CORO7: variants seen among roughly 807,000 people sequenced by gnomAD.
CORO7 encodes coronin 7, also known as coronin-7.
A neutral mutation model predicts 126.6 loss-of-function variants in CORO7; 107 were observed. That is an observed-to-expected ratio of 0.85 (90% confidence interval 0.72 to 0.99). CORO7 has a LOEUF of 0.99. CORO7 is among the 50% of genes least tolerant of loss of function. The pLI is 0.00. For synonymous variants in CORO7, 603 were observed against 536.8 expected (o/e 1.12, Z -1.70); for missense variants, 1,314 against 1,255.8 (o/e 1.05, Z -0.70).
intron 6 of CORO7, among the ~76,000 whole-genome samples, chr16:4,401,326 A>G (rs570977830): frequency 6.6e-6 from 1 of 152,346 alleles, no homozygotes; most frequent in South Asian, 2.1e-4. Flanking sequence ...GGCCGTGGGC[A>G]CACGCATGGC....
intron 9 of CORO7, 60 bp from the exon 10 acceptor site, chr16:4,365,605 C>T (rs2054324864): frequency 7.1e-6 from 11 of 1,548,782 alleles, no homozygotes; most frequent in Non-Finnish European, 9.6e-6. Flanking sequence ...AGACTCGTAA[C>T]CCCATGTAGG....
At chr16:4,372,021 CG>C (rs1172622135) in intron 9 of CORO7, 1 of 151,986 alleles carries the variant, frequency 6.6e-6, no homozygotes, top group Non-Finnish European at 1.5e-5. Context: ...TGGGGGGCTG[CG>C]GGCGGGGAAG....
At chr16:4,364,529 G>T in intron 13 of CORO7, 68 bp downstream of exon 13, 1 of 1,513,258 alleles carries the variant, frequency 6.6e-7, no homozygotes, top group South Asian at 1.3e-5. Context: ...GACTGAGTTG[G>T]CACACAGCCA....
At chr16:4,380,848 C>T (rs1204007370) in intron 9 of CORO7, 1 of 1,458,312 alleles carries the variant, frequency 6.9e-7, no homozygotes, top group Non-Finnish European at 9.0e-7. Context: ...TCTTCTGTCT[C>T]TGCCTCCTCT....
intron 7 of CORO7, among the ~76,000 whole-genome samples, chr16:4,389,130 C>T (rs1530088): frequency 0.74 from 112,262 of 152,138 alleles, 41,546 homozygotes; most frequent in East Asian, 0.78. Flanking sequence ...ACCGTGTAAA[C>T]TGGGGGATTT....
chr16:4,365,596 G>A (rs1452100075), intron 9 of CORO7, 51 bp from the exon 10 acceptor site: 2 of 1,551,464 alleles, frequency 1.3e-6, no homozygotes, highest in Non-Finnish European at 1.7e-6. Context: ...AGGGCTGCCA[G>A]ACTCGTAACC....
intron 9 of CORO7, among the ~76,000 whole-genome samples, chr16:4,371,200 C>T (rs1318055989): frequency 1.3e-5 from 2 of 152,222 alleles, no homozygotes. Flanking sequence ...CCCTTCATCT[C>T]ATAATATGGT....
At chr16:4,390,761 G>C (rs930225412) in intron 7 of CORO7, among the ~76,000 whole-genome samples, 2 of 152,234 alleles carry the variant, frequency 1.3e-5, no homozygotes, top group African/African-American at 4.8e-5. Context: ...ATGGTGCAAA[G>C]TGGCTTGGCC....
chr16:4,395,996 T>TGTGTGTG (rs55837244), intron 6 of CORO7, among the ~76,000 whole-genome samples: 164 of 151,208 alleles, frequency 1.1e-3, no homozygotes, highest in Middle Eastern at 3.4e-3. Context: ...CATGCACACG[T>TGTGTGTG]TGTGTGTGTG....
chr16:4,382,881 C>A (rs577139431), intron 9 of CORO7: 11 of 1,544,986 alleles, frequency 7.1e-6, no homozygotes, highest in Non-Finnish European at 9.6e-6. Context: ...CACCCCTCCA[C>A]GCAAAGCCCT....
intron 7 of CORO7, among the ~76,000 whole-genome samples, chr16:4,394,306 G>C (rs550700991): frequency 6.6e-6 from 1 of 151,998 alleles, no homozygotes; most frequent in African/African-American, 2.4e-5. Flanking sequence ...AAAAATAGCC[G>C]GGCGTGGTGG....
At chr16:4,408,026 T>G (rs956771248) in intron 4 of CORO7, among the ~76,000 whole-genome samples, 155 bp downstream of exon 4, 1 of 152,108 alleles carries the variant, frequency 6.6e-6, no homozygotes, top group Admixed American at 6.5e-5. Context: ...GGAGCCAGTG[T>G]GGGACCAGGA....
intron 9 of CORO7, among the ~76,000 whole-genome samples, chr16:4,369,248 G>T (rs2054442541): frequency 6.6e-6 from 1 of 152,278 alleles, no homozygotes; most frequent in Admixed American, 6.5e-5. Context: ...CACGGGCCAA[G>T]AAATGGGGTC....
In CORO7 at chr16:4,362,839, G is replaced by T; in HGVS notation, c.1276-101C>A. ...GGGTCACCACTCTGGGCCCCCTGCG[G>T]ACTGGAGGAGCCCCCACTGTGGGCA... On this transcript the variant is annotated intron_variant, in intron 14 of 27. Transcript: ENST00000251166. The surrounding 1 kb of genome is among the most constrained non-coding windows in gnomAD (Gnocchi z 5.3). 5 of 1,242,168 alleles carry T rather than the reference G, an allele frequency of 4.0e-6. No homozygotes were observed. Among genetic ancestry groups the T allele is most frequent in the Non-Finnish European group, 5.1e-6 (5 of 986,604 alleles). The allele number at this position is 1,242,168 out of a possible 1,614,324, so 76.9% of individuals were successfully genotyped here. A position where few individuals can be genotyped will look rare whatever the true frequency, so the allele number is the denominator to read the frequency against.
intron 6 of CORO7, among the ~76,000 whole-genome samples, chr16:4,401,754 C>T (rs984143738): frequency 6.6e-6 from 1 of 152,114 alleles, no homozygotes. Flanking sequence ...GACAGAGGCT[C>T]TCAGGAGATG....
chr16:4,365,398 A>C, intron 10 of CORO7, 93 bp downstream of exon 10: 1 of 1,513,646 alleles, frequency 6.6e-7, no homozygotes, highest in Admixed American at 2.1e-5. Context: ...GAAGACACAG[A>C]GGCCCTGTTC....
Position 4,358,418 on chromosome 16 carries a change from C to T in CORO7, c.2406G>A (p.Arg802=), listed in dbSNP as rs753438532. The T allele has an allele frequency of 2.5e-6, 4 of 1,612,380 alleles. No individual in the cohort carries two copies. In the African/African-American group the frequency reaches 5.3e-5, roughly 22 times the overall value. Reference sequence around the variant, plus strand: ...CAGGCTCCAGGGAGGACTGACGCAGCCGCAGGCACCGCATCAGCTCCACTT... The same window carrying T: ...CAGGCTCCAGGGAGGACTGACGCAGTCGCAGGCACCGCATCAGCTCCACTT... The part of the protein sequence containing the change: ...VREVELMRCL[R]LRQSSLEPVA... The change falls in exon 24 of 28, where the codon CGG becomes CGA. Residue 802 remains arginine (R), a synonymous_variant. Coordinates refer to ENST00000251166, the MANE Select transcript of CORO7 (RefSeq NM_024535.5).
At position 4,362,516 on chromosome 16, in the gene CORO7, G is replaced by A; in HGVS notation, c.1402+96C>T. ...GGGTGAGGGGGGTGCCCTGCATGAG[G>A]CCTGTGCTCAGCAGTAGGGTACACA... is the stretch of plus-strand genomic sequence containing the variant. On this transcript the variant is annotated intron_variant, in intron 15 of 27. Transcript: ENST00000251166. The surrounding 1 kb of genome is among the most constrained non-coding windows in gnomAD (Gnocchi z 5.3). 1.4e-6 allele frequency: 2 copies of A among 1,458,430 alleles called. No homozygotes were observed. Among genetic ancestry groups the A allele is most frequent in the East Asian group, 2.5e-5 (1 of 40,556 alleles). The allele number at this position is 1,458,430 out of a possible 1,614,324, so 90.3% of individuals were successfully genotyped here. A position where few individuals can be genotyped will look rare whatever the true frequency, so the allele number is the denominator to read the frequency against.
At chr16:4,370,130 A>G (rs2054474272) in intron 9 of CORO7, among the ~76,000 whole-genome samples, 1 of 152,190 alleles carries the variant, frequency 6.6e-6, no homozygotes, top group African/African-American at 2.4e-5. Flanking sequence ...CCTTGAGGAA[A>G]GCCAGGCTGG....
Sources: allele counts gnomAD v4.1 joint callset (sites outside exome capture counted in the v4.1 genomes callset), GRCh38; gene constraint gnomAD v4.1.1; non-coding constraint Gnocchi (gnomAD v3.1); transcripts MANE v1.5; gene names NCBI Gene and HGNC (gene_info 2026-07-23, HGNC 2026-07-21).